The following ZRANB3 variants were observed in gnomAD, a reference collection of about 807,000 sequenced individuals.
ZRANB3 encodes the protein DNA annealing helicase and endonuclease ZRANB3.
ZRANB3 carries 125 observed loss-of-function variants against 133.8 expected under a neutral mutation model. That is an observed-to-expected ratio of 0.93 (90% CI 0.81 to 1.08). The LOEUF is 1.08. Among genes scored for constraint, ZRANB3 ranks in the 50% least tolerant of loss-of-function variants. The pLI is 0.00. For synonymous variants in ZRANB3, 387 were observed against 432.7 expected (o/e 0.89, Z 1.31); for missense variants, 1,229 against 1,275.5 (o/e 0.96, Z 0.56).
At chr2:135,228,360 CA>C (rs1162923866) in intron 13 of ZRANB3, 2 of 179,318 alleles carry the variant, frequency 1.1e-5, no homozygotes, top group Non-Finnish European at 2.3e-5. Flanking sequence ...ACTACTATAG[CA>C]AAAGTCATGA....
chr2:135,489,058 C>T (rs1416375794), intron 2 of ZRANB3, among the ~76,000 whole-genome samples: 1 of 151,640 alleles, frequency 6.6e-6, no homozygotes, highest in Non-Finnish European at 1.5e-5. Flanking sequence ...ATACTGTTTG[C>T]AAGATGACCT....
intron 15 of ZRANB3, among the ~76,000 whole-genome samples, chr2:135,221,548 A>C (rs1215918012): frequency 6.6e-6 from 1 of 152,204 alleles, no homozygotes. Context: ...ATAGAGTAAA[A>C]AAAGATTAAA....
At position 135,325,291 on chromosome 2, in the gene ZRANB3, T is replaced by A. The variant is rs897586646; in HGVS notation, c.678-9761A>T. ...TGTAAGTTGCTAACAAAACAACTTA[T>A]TACATTGAAAATTAATAAATGAGAA... On this transcript the variant is annotated intron_variant, in intron 6 of 20. Transcript: ENST00000264159. 2.6e-5 allele frequency among the ~76,000 whole-genome samples: 4 copies of A among 152,226 alleles called. No homozygotes were observed. The East Asian group carries it at 7.7e-4, about 29-fold the overall frequency.
chr2:135,349,400 A>G (rs2104871879), intron 5 of ZRANB3, among the ~76,000 whole-genome samples: 1 of 152,318 alleles, frequency 6.6e-6, no homozygotes, highest in South Asian at 2.1e-4. Context: ...TTCTTCCATC[A>G]TGTCTTCTTC....
chr2:135,294,259 G>A (rs1681916976), intron 8 of ZRANB3, among the ~76,000 whole-genome samples: 1 of 152,100 alleles, frequency 6.6e-6, no homozygotes. Flanking sequence ...ATTAATTATT[G>A]CCTCAATTTC....
At chr2:135,411,566 C>G (rs938416812) in intron 2 of ZRANB3, among the ~76,000 whole-genome samples, 1 of 152,084 alleles carries the variant, frequency 6.6e-6, no homozygotes, top group Non-Finnish European at 1.5e-5. Flanking sequence ...TATATATACA[C>G]CATGGAATAT....
rs113316758 is a variant in ZRANB3, at chr2:135,215,893, C to T, written c.2495+1572G>A. On this transcript the variant is annotated intron_variant, in intron 17 of 20. Transcript: ENST00000264159. ...TCCTGGGCCTCTACCCACTAGATAC[C>T]CCCTAGTCACATCCCTTACTTGAGA... Among the ~76,000 whole-genome samples, 451 of 152,166 alleles carry T rather than the reference C, an allele frequency of 3.0e-3. 3 individuals carry two copies. Among genetic ancestry groups the T allele is most frequent in the African/African-American group, 0.01 (420 of 41,508 alleles).
chr2:135,281,776 A>G (rs1306927593), intron 8 of ZRANB3, among the ~76,000 whole-genome samples: 1 of 152,214 alleles, frequency 6.6e-6, no homozygotes, highest in Non-Finnish European at 1.5e-5. Context: ...AGAATTGTGT[A>G]TCATCACAAA....
chr2:135,272,425 T>G lies in ZRANB3; in HGVS notation c.1087-538A>C, dbSNP rs977351812. ...CTGGGAAAATAGAGCTTTTTTTTTT[T>G]TTTTTTTGTGACGGAGTCTTGCTCT... is the stretch of plus-strand genomic sequence containing the variant. On this transcript the variant is annotated intron_variant, in intron 9 of 20. Transcript: ENST00000264159. Among the ~76,000 whole-genome samples the G allele has an allele frequency of 2.9e-4, 42 of 143,014 alleles. 1 individual carries two copies. Among genetic ancestry groups the G allele is most frequent in the African/African-American group, 1.2e-3 (42 of 35,440 alleles). 93.8% of individuals were successfully genotyped at this position (143,014 alleles called of 152,430 possible).
intron 8 of ZRANB3, among the ~76,000 whole-genome samples, chr2:135,287,182 T>C (rs1262992454): frequency 6.6e-6 from 1 of 152,228 alleles, no homozygotes; most frequent in Admixed American, 6.5e-5. Flanking sequence ...GAGTGTTCTT[T>C]CCCCACTTTA....
At chr2:135,320,518 T>C (rs1295098988) in intron 6 of ZRANB3, among the ~76,000 whole-genome samples, 1 of 152,232 alleles carries the variant, frequency 6.6e-6, no homozygotes, top group African/African-American at 2.4e-5. Context: ...CTCATTCAGT[T>C]TTACAGAGTA....
chr2:135,405,597 G>T (rs1165235919), intron 2 of ZRANB3, among the ~76,000 whole-genome samples: 1 of 152,132 alleles, frequency 6.6e-6, no homozygotes, highest in Non-Finnish European at 1.5e-5. Flanking sequence ...AAATGTAAAA[G>T]AACAGAAATT....
chr2:135,223,725 T>A (rs1439281293), intron 15 of ZRANB3, among the ~76,000 whole-genome samples: 1 of 152,204 alleles, frequency 6.6e-6, no homozygotes, highest in Non-Finnish European at 1.5e-5. Flanking sequence ...GGGTTCTCAA[T>A]AAATTTTAGG....
chr2:135,202,810 G>A (rs767453595), intron 20 of ZRANB3, 22 bp downstream of exon 20: 5 of 1,595,894 alleles, frequency 3.1e-6, no homozygotes, highest in Non-Finnish European at 4.3e-6. Flanking sequence ...TGCAGTCAAA[G>A]CTATATGAGA....
rs1040474944 is a variant in ZRANB3, at chr2:135,455,349, T to C, written c.161+48980A>G. ...GATTACAGAAATGTGCCACCACGCC[T>C]GGCTAATTTTGTATTTTTACTAGAG... is the stretch of plus-strand genomic sequence containing the variant. On this transcript the variant is annotated intron_variant, in intron 2 of 20. Coordinates refer to ENST00000264159, the MANE Select transcript of ZRANB3 (RefSeq NM_032143.4). 1.8e-4 allele frequency among the ~76,000 whole-genome samples: 27 copies of C among 151,260 alleles called. 1 individual carries two copies. Among genetic ancestry groups the C allele is most frequent in the South Asian group, 2.1e-4 (1 of 4,790 alleles).
At chr2:135,289,147 A>C (rs1319925182) in intron 8 of ZRANB3, among the ~76,000 whole-genome samples, 1 of 152,130 alleles carries the variant, frequency 6.6e-6, no homozygotes, top group African/African-American at 2.4e-5. Flanking sequence ...TTCAGTTCAA[A>C]GAATCTATAA....
chr2:135,466,095 T>C (rs1032961291), intron 2 of ZRANB3, among the ~76,000 whole-genome samples: 1 of 152,104 alleles, frequency 6.6e-6, no homozygotes, highest in African/African-American at 2.4e-5. Context: ...ATATGAAGAA[T>C]GGATGGGCCA....
At position 135,390,893 on chromosome 2, in the gene ZRANB3, G is replaced by A. The variant is rs60803257; in HGVS notation, c.162-73C>T. ...CCTTTTTTTTTTGAGATGGAGTCTC[G>A]CTCTGTCACCAGGCTGGAGTGCAGT... On this transcript the variant is annotated intron_variant, in intron 2 of 20. Transcript: ENST00000264159. 11,198 of 1,417,272 alleles carry A rather than the reference G, an allele frequency of 7.9e-3. 824 individuals carry two copies. The African/African-American group carries it at 0.15, about 19-fold the overall frequency. 87.8% of individuals were successfully genotyped at this position (1,417,272 alleles called of 1,614,324 possible).
intron 2 of ZRANB3, among the ~76,000 whole-genome samples, chr2:135,442,985 G>A (rs978597438): frequency 2.0e-5 from 3 of 151,836 alleles, no homozygotes; most frequent in Non-Finnish European, 2.9e-5. Flanking sequence ...GCATGGTGGC[G>A]GGCGCCTGTA....
Sources: gnomAD v4.1 joint callset for allele counts (sites outside exome capture counted in the v4.1 genomes callset) on GRCh38, gnomAD v4.1.1 for gene constraint, MANE v1.5 for transcripts, NCBI Gene and HGNC (gene_info 2026-07-23, HGNC 2026-07-21) for gene names.